The following PCMT1 variants were observed in gnomAD, a reference collection of about 807,000 sequenced individuals.
PCMT1 encodes protein-L-isoaspartate (D-aspartate) O-methyltransferase.
PCMT1 carries 9 observed loss-of-function variants against 29.2 expected under a neutral mutation model. That is an observed-to-expected ratio of 0.31 (90% CI 0.19 to 0.54). The LOEUF is 0.54. Ranked by LOEUF, PCMT1 falls within the 20% of genes least tolerant of loss-of-function variation. The pLI is 0.95. For synonymous variants in PCMT1, 98 were observed against 97.5 expected (o/e 1.00, Z -0.03); for missense variants, 184 against 282.2 (o/e 0.65, Z 2.49).
At chr6:149,750,004 C>T (rs1338276894) in intron 1 of PCMT1, 48 bp downstream of exon 1, 2 of 1,573,988 alleles carry the variant, frequency 1.3e-6, no homozygotes, top group Admixed American at 1.8e-5. Flanking sequence ...CAGGCTGGGC[C>T]TGGACCGGGT....
At chr6:149,752,179 A>T (rs2115188241) in intron 1 of PCMT1, among the ~76,000 whole-genome samples, 1 of 151,000 alleles carries the variant, frequency 6.6e-6, no homozygotes, top group South Asian at 2.1e-4. Flanking sequence ...GCACCTGGCC[A>T]TGGTGAATGT....
intron 4 of PCMT1, 41 bp downstream of exon 4, chr6:149,790,099 A>G: frequency 8.5e-7 from 1 of 1,178,932 alleles, no homozygotes; most frequent in Non-Finnish European, 1.2e-6. Flanking sequence ...ACAGAAGAAT[A>G]TTATATGATT....
At chr6:149,765,077 C>T (rs950793015) in intron 1 of PCMT1, among the ~76,000 whole-genome samples, 5 of 138,122 alleles carry the variant, frequency 3.6e-5, no homozygotes, top group African/African-American at 8.1e-5. Context: ...TAAAATAATG[C>T]GGCCAGGTGC....
At chr6:149,758,208 C>G (rs28529688) in intron 1 of PCMT1, among the ~76,000 whole-genome samples, 4 of 73,908 alleles carry the variant, frequency 5.4e-5, no homozygotes, top group Non-Finnish European at 9.9e-5. Context: ...TTCTTTCTTT[C>G]TTTTTTTTTT....
intron 4 of PCMT1, among the ~76,000 whole-genome samples, chr6:149,792,029 G>T (rs962601971): frequency 2.6e-5 from 4 of 152,152 alleles, no homozygotes; most frequent in African/African-American, 9.7e-5. Context: ...TACAAGGAAT[G>T]ATAGGCCGGG....
intron 7 of PCMT1, among the ~76,000 whole-genome samples, chr6:149,805,820 A>G (rs1775996291): frequency 6.6e-6 from 1 of 151,736 alleles, no homozygotes; most frequent in African/African-American, 2.4e-5. Flanking sequence ...AGGCACCTGT[A>G]ATTCCAGCTA....
intron 1 of PCMT1, among the ~76,000 whole-genome samples, chr6:149,770,225 G>A (rs977448418): frequency 6.6e-6 from 1 of 152,142 alleles, no homozygotes; most frequent in African/African-American, 2.4e-5. Flanking sequence ...ATCTCCAGTT[G>A]TATGATCTGA....
chr6:149,802,108 G>T (rs954449647), intron 6 of PCMT1, 92 bp from the exon 7 acceptor site: 17 of 873,096 alleles, frequency 1.9e-5, no homozygotes, highest in Non-Finnish European at 2.3e-5. Flanking sequence ...CAGCCTGGGC[G>T]ACAGAGTGAG....
intron 1 of PCMT1, among the ~76,000 whole-genome samples, chr6:149,766,519 G>T (rs771770310): frequency 7.2e-5 from 11 of 152,178 alleles, no homozygotes; most frequent in Non-Finnish European, 1.5e-4. Flanking sequence ...TGGAACATGG[G>T]TCAGCAAACT....
chr6:149,810,864 T>A lies in PCMT1; in HGVS notation c.*286T>A. The A allele has an allele frequency of 2.5e-6, 1 of 400,788 alleles. No individual in the cohort carries two copies. The highest frequency in any genetic ancestry group is 4.4e-6 in the Non-Finnish European group (1 of 225,492). The allele number at this position is 400,788 out of a possible 1,614,324, so 24.8% of individuals were successfully genotyped here. ...GTAATATTACTTTAACATGCCCATA[T>A]TTTACTTGGAAATATTAAAAGAAAG... On this transcript the variant is annotated 3_prime_UTR_variant, in exon 8 of 8. Transcript: ENST00000464889.
intron 1 of PCMT1, 69 bp from the exon 2 acceptor site, chr6:149,771,093 G>A (rs973035649): frequency 1.1e-6 from 1 of 897,478 alleles, no homozygotes; most frequent in African/African-American, 1.6e-5. Flanking sequence ...AGCACAGCTG[G>A]TGTAATTATT....
At chr6:149,751,144 C>A (rs946572263) in intron 1 of PCMT1, among the ~76,000 whole-genome samples, 1 of 152,076 alleles carries the variant, frequency 6.6e-6, no homozygotes, top group Non-Finnish European at 1.5e-5. Context: ...TGGTGAAACC[C>A]CATCTCTACT....
chr6:149,777,921 G>T, intron 3 of PCMT1, among the ~76,000 whole-genome samples: 1 of 141,340 alleles, frequency 7.1e-6, no homozygotes, highest in Non-Finnish European at 1.5e-5. Flanking sequence ...CTGTTGCCCA[G>T]GCTGGAGTGC....
At chr6:149,763,468 A>G (rs1323930937) in intron 1 of PCMT1, among the ~76,000 whole-genome samples, 1 of 151,972 alleles carries the variant, frequency 6.6e-6, no homozygotes, top group Non-Finnish European at 1.5e-5. Flanking sequence ...TGCCTAAAAA[A>G]GCTTTATTCT....
intron 3 of PCMT1, among the ~76,000 whole-genome samples, chr6:149,785,677 A>C (rs867600442): frequency 3.9e-4 from 60 of 152,120 alleles, no homozygotes; most frequent in Non-Finnish European, 3.5e-4. Flanking sequence ...TAATCCATTT[A>C]ACCCTGAGTG....
At chr6:149,785,339 T>C (rs1470347440) in intron 3 of PCMT1, among the ~76,000 whole-genome samples, 2 of 113,896 alleles carry the variant, frequency 1.8e-5, no homozygotes, top group Non-Finnish European at 3.3e-5. Flanking sequence ...TCTTTCTCTT[T>C]GGCATTGGCT....
chr6:149,767,577 T>C (rs555990543), intron 1 of PCMT1, among the ~76,000 whole-genome samples: 3 of 151,994 alleles, frequency 2.0e-5, no homozygotes, highest in African/African-American at 7.2e-5. Flanking sequence ...CTCAGTCCCC[T>C]GAGTAGCTGG....
chr6:149,796,164 C>T (rs532440118), intron 5 of PCMT1: 9 of 311,354 alleles, frequency 2.9e-5, no homozygotes, highest in Admixed American at 9.8e-5. Context: ...GAAAATGAAG[C>T]GCTTTTCATT....
At chr6:149,785,679 C>T (rs1398222551) in intron 3 of PCMT1, among the ~76,000 whole-genome samples, 1 of 152,014 alleles carries the variant, frequency 6.6e-6, no homozygotes, top group African/African-American at 2.4e-5. Context: ...ATCCATTTAA[C>T]CCTGAGTGGA....
Sources: allele counts gnomAD v4.1 joint callset (sites outside exome capture counted in the v4.1 genomes callset), GRCh38; gene constraint gnomAD v4.1.1; transcripts MANE v1.5; gene names NCBI Gene and HGNC (gene_info 2026-07-23, HGNC 2026-07-21).